RNF14: variants seen among roughly 807,000 people sequenced by gnomAD.
RNF14 encodes E3 ubiquitin-protein ligase RNF14.
In RNF14, 26 loss-of-function variants were observed where a neutral mutation model predicts 52.6. The ratio of observed to expected loss-of-function variants is 0.49; its 90% CI spans 0.36 to 0.69. The LOEUF is 0.69. Among genes scored for constraint, RNF14 ranks in the 30% least tolerant of loss-of-function variants. RNF14 has a pLI of 0.00. For synonymous variants in RNF14, 194 were observed against 202.0 expected (o/e 0.96, Z 0.34); for missense variants, 404 against 560.4 (o/e 0.72, Z 2.82).
chr5:141,955,175 C>T, upstream of RNF14: 2 of 1,614,206 alleles, frequency 1.2e-6, no homozygotes, highest in Non-Finnish European at 1.7e-6. This position sits in a 1 kb window ranked among gnomAD's most constrained non-coding sequence, Gnocchi z 5.5. Context: ...CTGCCCTGGT[C>T]TCCAGCCAGC....
chr5:141,964,466 G>A (rs191726725), upstream of RNF14, among the ~76,000 whole-genome samples: 1 of 152,330 alleles, frequency 6.6e-6, no homozygotes, highest in Non-Finnish European at 1.5e-5. Context: ...ATGGTGCTAT[G>A]TTATAGGGTT....
At chr5:141,960,203 C>T (rs1396268581) in intron 1 of RNF14, among the ~76,000 whole-genome samples, 1 of 152,154 alleles carries the variant, frequency 6.6e-6, no homozygotes, top group African/African-American at 2.4e-5. Context: ...TCACTATCCG[C>T]CCCGCAATCG....
intron 1 of RNF14, among the ~76,000 whole-genome samples, chr5:141,961,429 T>C (rs1753274538): frequency 6.6e-6 from 1 of 152,180 alleles, no homozygotes; most frequent in South Asian, 2.1e-4. Flanking sequence ...GGTCCCCATT[T>C]AGCAATTTTC....
chr5:141,986,561 A>G lies in RNF14; in HGVS notation c.1368-1172A>G, dbSNP rs138138852. 4.2e-3 allele frequency among the ~76,000 whole-genome samples: 640 copies of G among 152,308 alleles called. 4 individuals are homozygous for G. Among genetic ancestry groups the G allele is most frequent in the African/African-American group, 0.013 (556 of 41,562 alleles). ...GCTGAGTATCAGTTTTGTGATACCTATCCCTCATTATTGTTTATCCTTGGC... is the reference window on the plus strand; with the variant it reads ...GCTGAGTATCAGTTTTGTGATACCTGTCCCTCATTATTGTTTATCCTTGGC... On this transcript the variant is annotated intron_variant, in intron 8 of 8. Coordinates refer to ENST00000394520, the MANE Select transcript of RNF14 (RefSeq NM_004290.5).
At chr5:141,963,422 GA>G (rs1179266654), upstream of RNF14, among the ~76,000 whole-genome samples, 3 of 146,146 alleles carry the variant, frequency 2.1e-5, no homozygotes, top group Non-Finnish European at 3.0e-5. Flanking sequence ...CAGTGAATTT[GA>G]AAATCTATTA....
chr5:141,955,377 C>T (rs755687030), upstream of RNF14: 33 of 1,613,880 alleles, frequency 2.0e-5, no homozygotes, highest in South Asian at 3.1e-4. The surrounding 1 kb of genome is among the most constrained non-coding windows in gnomAD (Gnocchi z 5.5). Flanking sequence ...GATTACGCAG[C>T]GTCCTGTACA....
At chr5:141,964,702 C>T (rs866627399), upstream of RNF14, among the ~76,000 whole-genome samples, 1 of 152,024 alleles carries the variant, frequency 6.6e-6, no homozygotes, top group Non-Finnish European at 1.5e-5. Flanking sequence ...CAACCTCTGC[C>T]TCTTGGGTTC....
At chr5:141,987,307 C>A (rs1755326252) in intron 8 of RNF14, among the ~76,000 whole-genome samples, 1 of 152,156 alleles carries the variant, frequency 6.6e-6, no homozygotes, top group Admixed American at 6.5e-5. Flanking sequence ...CTTAGGGTAT[C>A]ATTTTTATTT....
At chr5:141,955,677 C>T (rs995894690), upstream of RNF14, 1 of 1,614,158 alleles carries the variant, frequency 6.2e-7, no homozygotes, top group Non-Finnish European at 8.5e-7. This position sits in a 1 kb window ranked among gnomAD's most constrained non-coding sequence, Gnocchi z 5.5. Context: ...AGATGCCCAA[C>T]AGTACAGCCA....
rs144270435 is a variant in RNF14, at chr5:141,961,381, G to T, written c.-181+2956G>T. ...TGAGATTTCAAAGCTGGCAAACAAG[G>T]CCCCAGACTTTTTTAAGGTGATCAC... On this transcript the variant is annotated intron_variant, in intron 1 of 4. Coordinates refer to the RNF14 transcript ENST00000506822. 5.8e-3 allele frequency among the ~76,000 whole-genome samples: 883 copies of T among 152,210 alleles called. 8 individuals carry two copies. Among genetic ancestry groups the T allele is most frequent in the Non-Finnish European group, 7.9e-3 (536 of 68,022 alleles).
upstream of RNF14, among the ~76,000 whole-genome samples, chr5:141,968,680 A>G (rs1375599860): frequency 2.6e-5 from 4 of 152,232 alleles, no homozygotes; most frequent in African/African-American, 7.2e-5. Context: ...TAACTACTCG[A>G]TAAATGCGGT....
the RNF14 span, chr5:141,949,558 G>C: frequency 6.2e-7 from 1 of 1,613,980 alleles, no homozygotes; most frequent in Non-Finnish European, 8.5e-7. Flanking sequence ...CTTGCACTTG[G>C]GCCATCTGTG....
chr5:141,974,927 T>G lies in RNF14; in HGVS notation c.278T>G (p.Leu93Arg), dbSNP rs756071947. The change falls in exon 4 of 9, where the codon CTT (leucine) becomes CGT (arginine). Residue 93 changes from leucine to arginine, a missense_variant. Leu to Arg is a moderately radical substitution (Grantham distance 102, BLOSUM62 -2). Transcript: ENST00000394520. ...YPSSSPPSFT[L>R]SGKWLSPTQL... ...TCCTCTTCCCCACCTTCATTCACAC[T>G]TAGTGGCAAATGGCTGTCACCAACT... 1.7e-5 allele frequency: 27 copies of G among 1,613,800 alleles called. No homozygotes were observed. The highest frequency in any genetic ancestry group is 1.6e-4 in the Middle Eastern group (1 of 6,082).
At chr5:141,981,851 CAAA>C (rs948599356) in intron 6 of RNF14, among the ~76,000 whole-genome samples, 13 of 108,564 alleles carry the variant, frequency 1.2e-4, no homozygotes, top group South Asian at 2.8e-4. Flanking sequence ...GACCCTGTCT[CAAA>C]AAAAAAAAAA....
upstream of RNF14, chr5:141,957,021 C>G: frequency 6.2e-7 from 1 of 1,614,190 alleles, no homozygotes; most frequent in Non-Finnish European, 8.5e-7. This position sits in a 1 kb window ranked among gnomAD's most constrained non-coding sequence, Gnocchi z 4.3. Flanking sequence ...ACTCCACCTC[C>G]CCATTGGGGC....
intron 6 of RNF14, among the ~76,000 whole-genome samples, chr5:141,981,339 G>A (rs1258623290): frequency 6.6e-6 from 1 of 151,990 alleles, no homozygotes; most frequent in Admixed American, 6.6e-5. Flanking sequence ...TTAGCTGACT[G>A]TGGTGGTGCA....
At chr5:141,955,975 G>T (rs1425858670), upstream of RNF14, 13 of 1,614,054 alleles carry the variant, frequency 8.1e-6, no homozygotes, top group Non-Finnish European at 1.0e-5. This position sits in a 1 kb window ranked among gnomAD's most constrained non-coding sequence, Gnocchi z 5.5. Flanking sequence ...CCCCGAGTCT[G>T]CATCTCTTGC....
intron 7 of RNF14, 45 bp from the exon 8 acceptor site, chr5:141,984,758 G>C (rs201469464): frequency 1.2e-6 from 2 of 1,603,332 alleles, no homozygotes; most frequent in East Asian, 4.5e-5. Flanking sequence ...TGTCTCTTCT[G>C]CTTTTACAGC....
At chr5:141,986,932 G>A (rs1752710668) in intron 8 of RNF14, among the ~76,000 whole-genome samples, 1 of 152,218 alleles carries the variant, frequency 6.6e-6, no homozygotes, top group African/African-American at 2.4e-5. Context: ...ATCTCTGGGG[G>A]AGTTCTCTGA....
Sources: allele counts gnomAD v4.1 joint callset (sites outside exome capture counted in the v4.1 genomes callset), GRCh38; gene constraint gnomAD v4.1.1; non-coding constraint Gnocchi (gnomAD v3.1); transcripts MANE v1.5; gene names NCBI Gene and HGNC (gene_info 2026-07-23, HGNC 2026-07-21).